Variants in RIMS2 observed in about 807,000 individuals in gnomAD.
RIMS2 encodes regulating synaptic membrane exocytosis 2.
In RIMS2, 59 loss-of-function variants were observed where a neutral mutation model predicts 174.4. The observed-to-expected ratio is 0.34, with a 90% confidence interval of 0.27 to 0.42. The LOEUF is 0.42. Among genes scored for constraint, RIMS2 ranks in the 10% least tolerant of loss-of-function variants. The pLI, the probability that RIMS2 is intolerant of heterozygous loss-of-function variation, is 1.00. For synonymous variants in RIMS2, 606 were observed against 572.5 expected (o/e 1.06, Z -0.84); for missense variants, 1,620 against 1,666.3 (o/e 0.97, Z 0.48).
rs986126420 is a variant in RIMS2, at chr8:103,772,782, C to G, written c.698+6245C>G. Among the ~76,000 whole-genome samples, 8 of 152,002 alleles carry G rather than the reference C, an allele frequency of 5.3e-5. 1 individual carries two copies. Among genetic ancestry groups the G allele is most frequent in the Middle Eastern group, 3.2e-3 (1 of 314 alleles). On this transcript the variant is annotated intron_variant, in intron 3 of 23. Transcript: ENST00000504942. ...AGATCAGTGAAACAGAATGGAGAGT[C>G]TATATATAAAGCCATTCATGTATAG...
At chr8:103,933,971 A>G (rs993703435) in intron 12 of RIMS2, among the ~76,000 whole-genome samples, 5 of 152,198 alleles carry the variant, frequency 3.3e-5, no homozygotes, top group Admixed American at 2.6e-4. Context: ...GAAATCTAGT[A>G]TAGAATTTCA....
chr8:103,585,669 G>A (rs1450573205), intron 1 of RIMS2, among the ~76,000 whole-genome samples: 1 of 151,834 alleles, frequency 6.6e-6, no homozygotes, highest in African/African-American at 2.4e-5. Context: ...ATAAGTGGGA[G>A]TTGAACAATG....
At chr8:103,702,762 C>A (rs1409520838) in intron 2 of RIMS2, among the ~76,000 whole-genome samples, 1 of 149,896 alleles carries the variant, frequency 6.7e-6, no homozygotes, top group Non-Finnish European at 1.5e-5. Context: ...TTCCCTGGGT[C>A]TATGTCTGTT....
At chr8:103,892,815 T>G (rs1219521281) in intron 4 of RIMS2, among the ~76,000 whole-genome samples, 1 of 152,040 alleles carries the variant, frequency 6.6e-6, no homozygotes, top group Non-Finnish European at 1.5e-5. Context: ...TGGCCCAAAT[T>G]TTAATTGAAA....
chr8:104,190,961 T>A (rs754156675), intron 19 of RIMS2, among the ~76,000 whole-genome samples: 41 of 151,554 alleles, frequency 2.7e-4, no homozygotes, highest in Non-Finnish European at 1.8e-4. Flanking sequence ...TGCTTCAATC[T>A]CTTCTTCTGA....
intron 19 of RIMS2, among the ~76,000 whole-genome samples, chr8:104,158,297 T>C (rs547457562): frequency 7.2e-5 from 11 of 152,336 alleles, no homozygotes; most frequent in African/African-American, 2.4e-4. Context: ...CAGTCTATTA[T>C]TGATGGACCT....
rs186350427 is a variant in RIMS2 at position 103,748,973 on chromosome 8, T to C, written c.388-17254T>C. On this transcript the variant is annotated intron_variant, in intron 2 of 23. Coordinates refer to ENST00000504942, the Ensembl canonical transcript of RIMS2. ...GCACTACGAAGCCCAGCTAATTTTGTATTTTTAGTAGAGACAGGGTTTCTC... is the reference window on the plus strand; with the variant it reads ...GCACTACGAAGCCCAGCTAATTTTGCATTTTTAGTAGAGACAGGGTTTCTC... 2.6e-3 allele frequency among the ~76,000 whole-genome samples: 391 copies of C among 152,058 alleles called. 1 individual carries two copies. The highest frequency in any genetic ancestry group is 4.6e-3 in the Non-Finnish European group (315 of 68,002).
chr8:103,670,812 C>A (rs549618782), intron 1 of RIMS2, among the ~76,000 whole-genome samples: 29 of 152,352 alleles, frequency 1.9e-4, no homozygotes, highest in African/African-American at 6.5e-4. Flanking sequence ...AAGTTCCAAA[C>A]TTTCCCACAT....
At chr8:103,752,790 T>A (rs551014654) in intron 2 of RIMS2, among the ~76,000 whole-genome samples, 2 of 152,304 alleles carry the variant, frequency 1.3e-5, no homozygotes. Flanking sequence ...TTTTGTATCC[T>A]GAGACTTTGC....
chr8:103,988,746 C>T (rs2094513782), intron 16 of RIMS2, among the ~76,000 whole-genome samples: 1 of 152,132 alleles, frequency 6.6e-6, no homozygotes, highest in Non-Finnish European at 1.5e-5. Context: ...AAGCATGAGC[C>T]ACCACACCCA....
intron 3 of RIMS2, among the ~76,000 whole-genome samples, chr8:103,809,373 A>C (rs1027906883): frequency 6.6e-6 from 1 of 152,200 alleles, no homozygotes; most frequent in South Asian, 2.1e-4. Flanking sequence ...ATTCTCAATA[A>C]CACATATAAT....
At chr8:103,605,483 C>A (rs1236613776) in intron 1 of RIMS2, among the ~76,000 whole-genome samples, 1 of 149,870 alleles carries the variant, frequency 6.7e-6, no homozygotes, top group Non-Finnish European at 1.5e-5. Flanking sequence ...TGTCTCTGCC[C>A]GGCTTTGGTA....
intron 17 of RIMS2, among the ~76,000 whole-genome samples, chr8:104,007,753 A>G (rs1377575624): frequency 6.6e-6 from 1 of 152,102 alleles, no homozygotes; most frequent in South Asian, 2.1e-4. Context: ...GAATGTTGAG[A>G]TCATATGATC....
intron 4 of RIMS2, among the ~76,000 whole-genome samples, chr8:103,903,324 A>T (rs567199146): frequency 7.9e-5 from 12 of 152,274 alleles, no homozygotes; most frequent in Admixed American, 7.2e-4. Context: ...ACATGTTATT[A>T]CTTTATAAAC....
At chr8:104,089,569 T>C (rs1266961655) in intron 19 of RIMS2, among the ~76,000 whole-genome samples, 1 of 151,874 alleles carries the variant, frequency 6.6e-6, no homozygotes, top group Non-Finnish European at 1.5e-5. Flanking sequence ...TCCAGATTTC[T>C]CATTTTTAAA....
chr8:104,052,047 A>C (rs2096795868), intron 19 of RIMS2, among the ~76,000 whole-genome samples: 1 of 152,156 alleles, frequency 6.6e-6, no homozygotes, highest in Non-Finnish European at 1.5e-5. Context: ...ACTGAAGAAA[A>C]AGAAAAAGCT....
At chr8:103,865,481 C>T (rs546772624) in intron 3 of RIMS2, among the ~76,000 whole-genome samples, 125 of 151,722 alleles carry the variant, frequency 8.2e-4, no homozygotes, top group East Asian at 2.5e-3. Context: ...GATGGGGTTT[C>T]GCCATGTTGG....
At chr8:103,770,815 G>A (rs1477079857) in intron 3 of RIMS2, among the ~76,000 whole-genome samples, 1 of 151,798 alleles carries the variant, frequency 6.6e-6, no homozygotes, top group African/African-American at 2.4e-5. Flanking sequence ...ATCAGAATGG[G>A]TTTTATTGCA....
intron 1 of RIMS2, among the ~76,000 whole-genome samples, chr8:103,690,096 G>A (rs1656799363): frequency 6.6e-6 from 1 of 151,760 alleles, no homozygotes; most frequent in African/African-American, 2.4e-5. Flanking sequence ...AAGTAGTTGG[G>A]GTTACAGGCA....
Sources: allele counts gnomAD v4.1 joint callset (sites outside exome capture counted in the v4.1 genomes callset), GRCh38; gene constraint gnomAD v4.1.1; transcripts MANE v1.5; gene names NCBI Gene and HGNC (gene_info 2026-07-23, HGNC 2026-07-21).